The following WDR70 variants were observed in gnomAD, a reference collection of about 807,000 sequenced individuals.
WDR70 encodes the protein WD repeat-containing protein 70.
Under a neutral mutation model 88.6 loss-of-function variants are expected in WDR70, and 53 were observed. That is an observed-to-expected ratio of 0.60 (90% CI 0.48 to 0.75). WDR70 has a LOEUF of 0.75. Ranked by LOEUF, WDR70 falls within the 30% of genes least tolerant of loss-of-function variation. The probability of loss-of-function intolerance (pLI) is 0.00; values close to 1 mark genes in which losing one functional copy is unlikely to be tolerated. For missense variants in WDR70, 610 were observed against 823.2 expected (o/e 0.74, Z 3.17); for synonymous variants, 280 against 270.0 (o/e 1.04, Z -0.36).
At chr5:37,436,832 C>T (rs1750480065) in intron 5 of WDR70, among the ~76,000 whole-genome samples, 1 of 141,736 alleles carries the variant, frequency 7.1e-6, no homozygotes, top group Non-Finnish European at 1.6e-5. Flanking sequence ...GAGAAAGAGC[C>T]ATAGCAGGGG....
chr5:37,416,295 T>G (rs1749747310), intron 5 of WDR70, among the ~76,000 whole-genome samples: 2 of 152,174 alleles, frequency 1.3e-5, no homozygotes, highest in Admixed American at 1.3e-4. Flanking sequence ...GATCACTCGC[T>G]GTTAGGAGCT....
chr5:37,538,502 T>C (rs1295392937), intron 9 of WDR70, among the ~76,000 whole-genome samples: 1 of 152,164 alleles, frequency 6.6e-6, no homozygotes, highest in African/African-American at 2.4e-5. Flanking sequence ...GGGGGGAGGA[T>C]TCAGATGGCA....
chr5:37,721,698 A>G (rs1747820088), intron 14 of WDR70: 3 of 153,314 alleles, frequency 2.0e-5, no homozygotes, highest in Admixed American at 6.5e-5. Context: ...CTCCACCCCC[A>G]TGCCCACCCA....
chr5:37,739,650 C>CAT lies in WDR70; in HGVS notation c.1877+12617_1877+12618dup, dbSNP rs554645177. Among the ~76,000 whole-genome samples the CAT allele has an allele frequency of 7.5e-3, 1,136 of 151,744 alleles. 4 individuals are homozygous for CAT. The highest frequency in any genetic ancestry group is 0.027 in the Middle Eastern group (8 of 292). On this transcript the variant is annotated intron_variant, in intron 17 of 17. Transcript: ENST00000265107. ...AGCACCCAACAGAATATTTCTTTTT[C>CAT]ATATATATATATACTTTAAGTTCTG...
At chr5:37,559,428 TCTC>T (rs1330008238) in intron 9 of WDR70, among the ~76,000 whole-genome samples, 1 of 152,138 alleles carries the variant, frequency 6.6e-6, no homozygotes, top group Admixed American at 6.5e-5. Flanking sequence ...CTTTACCCAT[TCTC>T]CTCCTCCTTC....
chr5:37,738,316 G>A (rs1748364254), intron 17 of WDR70, among the ~76,000 whole-genome samples: 1 of 152,148 alleles, frequency 6.6e-6, no homozygotes, highest in Admixed American at 6.6e-5. Flanking sequence ...CTCATGTGCT[G>A]ATGACTAAGT....
At chr5:37,651,377 G>T (rs1745406228) in intron 10 of WDR70, among the ~76,000 whole-genome samples, 1 of 152,094 alleles carries the variant, frequency 6.6e-6, no homozygotes. Context: ...ATGGGCATTT[G>T]GGCTGGTTCC....
At chr5:37,472,162 C>T (rs1001586519) in intron 7 of WDR70, among the ~76,000 whole-genome samples, 6 of 151,802 alleles carry the variant, frequency 4.0e-5, no homozygotes, top group African/African-American at 1.5e-4. Flanking sequence ...AATTTGTATG[C>T]AAGATTTTGC....
chr5:37,509,588 T>C (rs1740657528), intron 8 of WDR70, among the ~76,000 whole-genome samples: 1 of 152,172 alleles, frequency 6.6e-6, no homozygotes, highest in Non-Finnish European at 1.5e-5. Flanking sequence ...GTTTTGTTAC[T>C]TAGAATATGA....
At chr5:37,534,803 A>G (rs1416225689) in intron 9 of WDR70, among the ~76,000 whole-genome samples, 1 of 152,130 alleles carries the variant, frequency 6.6e-6, no homozygotes, top group Non-Finnish European at 1.5e-5. Context: ...CTTCAGCCAT[A>G]GTTCTGTGTG....
chr5:37,702,509 T>C (rs1440674401), intron 12 of WDR70, among the ~76,000 whole-genome samples: 1 of 152,206 alleles, frequency 6.6e-6, no homozygotes, highest in Non-Finnish European at 1.5e-5. Flanking sequence ...GTAGTGGTGT[T>C]AGTGAAAATA....
Position 37,379,471 on chromosome 5 carries a change from C to T in WDR70, c.26-18C>T, listed in dbSNP as rs1340829507. Reference sequence around the variant, plus strand: ...GCGCCGCACTAACTAGGCCGCCTCTCTTTTCCTCTTGCTCCAGTGACAGGC... The same window carrying T: ...GCGCCGCACTAACTAGGCCGCCTCTTTTTTCCTCTTGCTCCAGTGACAGGC... On this transcript the variant is annotated intron_variant, in intron 1 of 17. Transcript: ENST00000265107. 1 of 1,613,946 alleles carries T rather than the reference C, an allele frequency of 6.2e-7. No homozygotes were observed. Among genetic ancestry groups the T allele is most frequent in the Non-Finnish European group, 8.5e-7 (1 of 1,179,866 alleles).
chr5:37,511,742 T>C (rs1364893138), intron 8 of WDR70, among the ~76,000 whole-genome samples: 3 of 152,196 alleles, frequency 2.0e-5, no homozygotes, highest in African/African-American at 7.2e-5. Context: ...ATTCTAGTCT[T>C]CCGCCTTTTC....
At chr5:37,380,707 G>A (rs1748399759) in intron 2 of WDR70, among the ~76,000 whole-genome samples, 2 of 152,238 alleles carry the variant, frequency 1.3e-5, no homozygotes, top group South Asian at 2.1e-4. Context: ...GAGTGTACTA[G>A]TGCGATCTTC....
intron 9 of WDR70, among the ~76,000 whole-genome samples, chr5:37,533,149 C>T (rs371171926): frequency 3.3e-5 from 5 of 152,260 alleles, no homozygotes; most frequent in South Asian, 2.1e-4. Flanking sequence ...TAGCAGCACC[C>T]GAACCAGTAG....
chr5:37,742,773 G>A (rs1290641729), intron 17 of WDR70, among the ~76,000 whole-genome samples: 4 of 152,284 alleles, frequency 2.6e-5, no homozygotes, highest in African/African-American at 7.2e-5. Flanking sequence ...TAACTTTGTT[G>A]TATGTGGATA....
chr5:37,652,200 T>G (rs1745428446), intron 10 of WDR70, among the ~76,000 whole-genome samples: 1 of 152,250 alleles, frequency 6.6e-6, no homozygotes, highest in Non-Finnish European at 1.5e-5. Flanking sequence ...TAGGGAATCC[T>G]TTCCCCATTG....
At chr5:37,621,778 G>A (rs1414817503) in intron 10 of WDR70, among the ~76,000 whole-genome samples, 1 of 152,116 alleles carries the variant, frequency 6.6e-6, no homozygotes, top group Non-Finnish European at 1.5e-5. Flanking sequence ...ATTACTTTTG[G>A]TGTTTTAGCC....
chr5:37,557,901 A>ATAGTCTTTTGAATACTCTTCAAAAGAG (rs1742338922), intron 9 of WDR70, among the ~76,000 whole-genome samples: 1 of 30,806 alleles, frequency 3.2e-5, no homozygotes, highest in Non-Finnish European at 6.7e-5. Context: ...CTTCAGATTT[A>ATAGTCTTTTGAATACTCTTCAAAAGAG]TACTCTTTTG....
Sources: allele counts gnomAD v4.1 joint callset (sites outside exome capture counted in the v4.1 genomes callset), GRCh38; gene constraint gnomAD v4.1.1; transcripts MANE v1.5; gene names NCBI Gene and HGNC (gene_info 2026-07-23, HGNC 2026-07-21).